The following TANC1 variants were observed in gnomAD, a reference collection of about 807,000 sequenced individuals.
TANC1 encodes the protein protein TANC1.
A neutral mutation model predicts 149.7 loss-of-function variants in TANC1; 77 were observed. The observed-to-expected ratio is 0.51, with a 90% confidence interval of 0.43 to 0.62. The LOEUF is 0.62. TANC1 is among the 20% of genes least tolerant of loss of function. The pLI is 0.00. For missense variants in TANC1, 1,985 were observed against 2,321.8 expected, an observed-to-expected ratio of 0.85 and a Z score of 2.98; for synonymous variants, 854 against 925.0, an observed-to-expected ratio of 0.92 and a Z score of 1.39.
intron 4 of TANC1, among the ~76,000 whole-genome samples, chr2:159,134,153 G>A (rs6754934): frequency 0.23 from 34,979 of 152,012 alleles, 4,293 homozygotes; most frequent in East Asian, 0.43. Context: ...GGGGATAGTT[G>A]TAGATTCCTG....
chr2:159,083,588 T>A (rs576096008), intron 3 of TANC1, among the ~76,000 whole-genome samples: 2 of 152,360 alleles, frequency 1.3e-5, no homozygotes, highest in African/African-American at 4.8e-5. Flanking sequence ...TTTGCTTATT[T>A]TCATACTGAT....
chr2:159,021,260 C>T (rs1315894201), intron 2 of TANC1, among the ~76,000 whole-genome samples: 1 of 152,096 alleles, frequency 6.6e-6, no homozygotes, highest in African/African-American at 2.4e-5. Flanking sequence ...GTAATCATCA[C>T]ATTCATCTCC....
intron 2 of TANC1, among the ~76,000 whole-genome samples, chr2:159,057,173 C>A (rs1324958590): frequency 6.6e-6 from 1 of 152,206 alleles, no homozygotes; most frequent in Non-Finnish European, 1.5e-5. Flanking sequence ...AACGATCCTC[C>A]CAAAGTGCTG....
intron 5 of TANC1, among the ~76,000 whole-genome samples, chr2:159,142,578 A>G (rs1356005825): frequency 2.0e-5 from 3 of 152,202 alleles, no homozygotes; most frequent in African/African-American, 4.8e-5. Flanking sequence ...GCCCTTCTGC[A>G]TGCTCGGAAG....
chr2:159,001,282 A>G lies in TANC1; in HGVS notation c.-16+93A>G, dbSNP rs1396861824. The G allele has an allele frequency of 6.6e-6, 1 of 152,240 alleles. No individual in the cohort carries two copies. The highest frequency in any genetic ancestry group is 1.5e-5 in the Non-Finnish European group (1 of 68,070). The allele number at this position is 152,240 out of a possible 1,614,324, so 9.4% of individuals were successfully genotyped here. On this transcript the variant is annotated intron_variant, in intron 2 of 26. Coordinates refer to ENST00000263635, the MANE Select transcript of TANC1 (RefSeq NM_033394.3). This position sits in a 1 kb window ranked among gnomAD's most constrained non-coding sequence, Gnocchi z 4.3. Reference sequence around the variant, plus strand: ...ATCTTTACATGAGGTTAGAAGAGAGATGGCCTGTAGAACGTCCAGTCTTTC... The same window carrying G: ...ATCTTTACATGAGGTTAGAAGAGAGGTGGCCTGTAGAACGTCCAGTCTTTC...
chr2:159,003,396 G>A (rs1434528926), intron 2 of TANC1, among the ~76,000 whole-genome samples: 1 of 152,186 alleles, frequency 6.6e-6, no homozygotes. Flanking sequence ...TTACCTAACA[G>A]GATGCTTAGG....
chr2:159,205,812 T>C (rs2058565627), intron 19 of TANC1, among the ~76,000 whole-genome samples: 1 of 152,230 alleles, frequency 6.6e-6, no homozygotes, highest in African/African-American at 2.4e-5. Flanking sequence ...CAGGACAGAA[T>C]TTCAGGTGAG....
intron 4 of TANC1, among the ~76,000 whole-genome samples, chr2:159,133,597 C>T (rs1425188021): frequency 6.6e-6 from 1 of 152,052 alleles, no homozygotes; most frequent in African/African-American, 2.4e-5. Context: ...TAGTTTAGCT[C>T]CACCCCCAAA....
chr2:159,046,769 T>A (rs2041092316), intron 2 of TANC1, among the ~76,000 whole-genome samples: 1 of 151,434 alleles, frequency 6.6e-6, no homozygotes, highest in Non-Finnish European at 1.5e-5. Context: ...CCTGGCTAAT[T>A]TTTTTTGTAT....
intron 4 of TANC1, among the ~76,000 whole-genome samples, chr2:159,122,496 G>T (rs769121550): frequency 7.9e-5 from 12 of 151,450 alleles, no homozygotes; most frequent in East Asian, 1.9e-4. Flanking sequence ...TTTTCTCATT[G>T]TACAGATCTG....
rs567139168 is a variant in TANC1, at chr2:159,229,128, T to TC, written c.4151+238dup. Reference sequence around the variant, plus strand: ...CTCAATAATCATTCCTTCCCACCCCTCCCCCCACGTGAAACTTACTGCAAC... The same window carrying TC: ...CTCAATAATCATTCCTTCCCACCCCTCCCCCCCACGTGAAACTTACTGCAAC... On this transcript the variant is annotated intron_variant, in intron 26 of 26. Transcript: ENST00000263635. Among the ~76,000 whole-genome samples the TC allele has an allele frequency of 5.7e-3, 861 of 151,762 alleles. 4 individuals carry two copies. Among genetic ancestry groups the TC allele is most frequent in the Non-Finnish European group, 9.9e-3 (672 of 67,896 alleles).
intron 2 of TANC1, among the ~76,000 whole-genome samples, chr2:159,019,110 A>G (rs2038556862): frequency 6.6e-6 from 1 of 152,212 alleles, no homozygotes; most frequent in Admixed American, 6.5e-5. Flanking sequence ...AGAGAGATGA[A>G]TTCCTTGCTT....
chr2:158,970,970 A>G (rs1158054768), intron 1 of TANC1, among the ~76,000 whole-genome samples: 1 of 152,246 alleles, frequency 6.6e-6, no homozygotes, highest in African/African-American at 2.4e-5. Context: ...TATAATTTAT[A>G]TCCATCCTTG....
intron 11 of TANC1, among the ~76,000 whole-genome samples, chr2:159,174,060 G>T (rs2055562782): frequency 6.6e-6 from 1 of 152,186 alleles, no homozygotes; most frequent in Non-Finnish European, 1.5e-5. Context: ...CAGCAAGGCA[G>T]ATACTCCCAA....
intron 7 of TANC1, among the ~76,000 whole-genome samples, chr2:159,154,543 G>A (rs746392496): frequency 6.6e-6 from 1 of 152,086 alleles, no homozygotes; most frequent in Non-Finnish European, 1.5e-5. Flanking sequence ...TGGAGGCCAG[G>A]GCTTAGCAAA....
intron 13 of TANC1, among the ~76,000 whole-genome samples, chr2:159,176,985 A>C (rs13024700): frequency 4.2e-5 from 6 of 141,938 alleles, no homozygotes; most frequent in African/African-American, 1.6e-4. Flanking sequence ...TCTCGGCTCA[A>C]TGCAGCCTCC....
chr2:159,126,765 T>G (rs2049493164), intron 4 of TANC1, among the ~76,000 whole-genome samples: 1 of 152,268 alleles, frequency 6.6e-6, no homozygotes, highest in South Asian at 2.1e-4. Context: ...TTGAAGTGTT[T>G]TGAAATAAAA....
chr2:159,105,593 AC>A (rs1410169222), intron 4 of TANC1, among the ~76,000 whole-genome samples: 8 of 152,110 alleles, frequency 5.3e-5, no homozygotes, highest in Admixed American at 5.2e-4. Flanking sequence ...GTCCCTCTAT[AC>A]CCCGCAAAAG....
chr2:159,094,337 G>T (rs1448674100), intron 3 of TANC1, among the ~76,000 whole-genome samples: 3 of 152,206 alleles, frequency 2.0e-5, no homozygotes, highest in Non-Finnish European at 4.4e-5. Context: ...TTCTGGGGCT[G>T]TGGCCTCAGT....
Sources: allele counts gnomAD v4.1 joint callset (sites outside exome capture counted in the v4.1 genomes callset), GRCh38; gene constraint gnomAD v4.1.1; non-coding constraint Gnocchi (gnomAD v3.1); transcripts MANE v1.5; gene names NCBI Gene and HGNC (gene_info 2026-07-23, HGNC 2026-07-21).